EPHA6: variants seen among roughly 807,000 people sequenced by gnomAD.
EPHA6 encodes the protein EPH receptor A6.
In EPHA6, 50 loss-of-function variants were observed where a neutral mutation model predicts 112.0. The ratio of observed to expected loss-of-function variants is 0.45; its 90% CI spans 0.36 to 0.56. The LOEUF (loss-of-function observed/expected upper bound fraction) is 0.56, where lower values mean the gene tolerates loss of function less well. Among genes scored for constraint, EPHA6 ranks in the 20% least tolerant of loss-of-function variants. The pLI, the probability that EPHA6 is intolerant of heterozygous loss-of-function variation, is 0.00. For synonymous variants in EPHA6, 529 were observed against 490.7 expected (o/e 1.08, Z -1.03); for missense variants, 1,280 against 1,417.4 (o/e 0.90, Z 1.56).
chr3:97,122,512 A>C (rs1348701008), intron 3 of EPHA6, among the ~76,000 whole-genome samples: 1 of 152,212 alleles, frequency 6.6e-6, no homozygotes, highest in South Asian at 2.1e-4. Context: ...TATATAAATC[A>C]AAATGTATTT....
rs1037994217 is a variant in EPHA6, at chr3:97,749,558, G to T, written c.*857G>T. 1.3e-5 allele frequency among the ~76,000 whole-genome samples: 2 copies of T among 152,048 alleles called. No homozygotes were observed. Among genetic ancestry groups the T allele is most frequent in the Non-Finnish European group, 2.9e-5 (2 of 68,010 alleles). On this transcript the variant is annotated 3_prime_UTR_variant, in exon 18 of 18. Transcript: ENST00000389672. ...ATGGCTTTCATAGAGAAAAGCTTGG[G>T]ATAAATCCATGACTATTTCCTTTGT...
In EPHA6 at chr3:97,232,010, G is replaced by A. The variant is rs74676959; in HGVS notation, c.1270+5591G>A. On this transcript the variant is annotated intron_variant, in intron 4 of 17. Transcript: ENST00000389672. ...TGAAAGGGGATCAGAGAGACAGGTT[G>A]ACAGGAAAGGTCAGAGAGAGATTTT... Among the ~76,000 whole-genome samples the A allele has an allele frequency of 5.4e-3, 829 of 152,286 alleles. 5 individuals carry two copies. Among genetic ancestry groups the A allele is most frequent in the African/African-American group, 0.019 (769 of 41,564 alleles).
chr3:97,648,942 T>A (rs1004493059), intron 14 of EPHA6, among the ~76,000 whole-genome samples: 1 of 152,096 alleles, frequency 6.6e-6, no homozygotes, highest in African/African-American at 2.4e-5. Flanking sequence ...AACTCTACCC[T>A]AGTTCAACTG....
intron 3 of EPHA6, among the ~76,000 whole-genome samples, chr3:97,184,502 T>C (rs1026980198): frequency 6.6e-6 from 1 of 152,060 alleles, no homozygotes; most frequent in African/African-American, 2.4e-5. Flanking sequence ...CAATCCAACT[T>C]ACAAGGGACA....
At chr3:97,000,194 C>G (rs945033199) in intron 3 of EPHA6, among the ~76,000 whole-genome samples, 7 of 151,216 alleles carry the variant, frequency 4.6e-5, no homozygotes, top group African/African-American at 1.7e-4. Context: ...CCCCTGATTG[C>G]TAAGTTAATG....
chr3:97,203,049 G>A (rs1201253518), intron 3 of EPHA6, among the ~76,000 whole-genome samples: 1 of 152,004 alleles, frequency 6.6e-6, no homozygotes, highest in African/African-American at 2.4e-5. Flanking sequence ...TTACAGAACT[G>A]CCCAACTGCC....
intron 14 of EPHA6, among the ~76,000 whole-genome samples, chr3:97,697,845 A>C (rs542969134): frequency 2.2e-4 from 33 of 152,058 alleles, no homozygotes; most frequent in Non-Finnish European, 3.7e-4. Context: ...AAAACTTCCC[A>C]AGTTGACTCC....
At chr3:96,872,780 A>G (rs1318700419) in intron 2 of EPHA6, among the ~76,000 whole-genome samples, 1 of 151,460 alleles carries the variant, frequency 6.6e-6, no homozygotes, top group African/African-American at 2.4e-5. Context: ...CTTTTTTTTT[A>G]AATTTGATGT....
chr3:96,819,252 A>G lies in EPHA6; in HGVS notation c.385+4244A>G, dbSNP rs575932531. ...ATTGGTACAGGGGAAATTAATGATT[A>G]AATTACATCCTTTTACTTTTTTGTT... On this transcript the variant is annotated intron_variant, in intron 1 of 17. Transcript: ENST00000389672. 5.3e-5 allele frequency among the ~76,000 whole-genome samples: 8 copies of G among 152,240 alleles called. No individual in the cohort carries two copies. In the East Asian group the frequency reaches 1.5e-3, roughly 29 times the overall value.
chr3:97,558,031 C>A (rs2093137508), intron 11 of EPHA6, among the ~76,000 whole-genome samples: 1 of 151,856 alleles, frequency 6.6e-6, no homozygotes, highest in Non-Finnish European at 1.5e-5. Flanking sequence ...TGGAGGGTTC[C>A]CTAAGCACAG....
At chr3:97,640,534 G>A (rs1336099653) in intron 14 of EPHA6, among the ~76,000 whole-genome samples, 5 of 152,072 alleles carry the variant, frequency 3.3e-5, no homozygotes, top group Admixed American at 6.5e-5. Context: ...ACTTTGGGAA[G>A]CCGAGGGGAG....
intron 14 of EPHA6, among the ~76,000 whole-genome samples, chr3:97,706,275 A>C (rs2033671422): frequency 6.6e-6 from 1 of 152,190 alleles, no homozygotes; most frequent in Admixed American, 6.5e-5. Context: ...ACACTCATTT[A>C]CACCACTTTG....
At chr3:97,207,155 C>G (rs1206783180) in intron 3 of EPHA6, among the ~76,000 whole-genome samples, 2 of 152,004 alleles carry the variant, frequency 1.3e-5, no homozygotes, top group Admixed American at 1.3e-4. Flanking sequence ...TTCCAGGTGT[C>G]TTTTGCAAGT....
chr3:96,868,074 T>G (rs1186301388), intron 2 of EPHA6, among the ~76,000 whole-genome samples: 1 of 151,878 alleles, frequency 6.6e-6, no homozygotes, highest in Admixed American at 6.6e-5. Flanking sequence ...GAATAAACAT[T>G]CGTATTGTTG....
At chr3:97,188,247 C>G (rs1044402943) in intron 3 of EPHA6, among the ~76,000 whole-genome samples, 2 of 152,034 alleles carry the variant, frequency 1.3e-5, no homozygotes, top group African/African-American at 4.8e-5. Context: ...ATGGCATTTA[C>G]TTATGATGGG....
At chr3:97,078,467 C>T (rs1266545067) in intron 3 of EPHA6, among the ~76,000 whole-genome samples, 1 of 152,058 alleles carries the variant, frequency 6.6e-6, no homozygotes, top group Admixed American at 6.6e-5. Flanking sequence ...GAAGTCCTTG[C>T]CCATGCCTAT....
chr3:97,558,095 C>A (rs1170874226), intron 11 of EPHA6, among the ~76,000 whole-genome samples: 1 of 151,918 alleles, frequency 6.6e-6, no homozygotes, highest in Non-Finnish European at 1.5e-5. Flanking sequence ...ATTAATAAAT[C>A]TAACATATTA....
intron 6 of EPHA6, among the ~76,000 whole-genome samples, chr3:97,418,685 A>G (rs181382747): frequency 2.8e-4 from 42 of 152,316 alleles, no homozygotes; most frequent in Admixed American, 5.9e-4. Context: ...AAATGGGCAT[A>G]AATAAGAAGG....
chr3:97,359,571 T>C (rs2084261188), intron 5 of EPHA6, among the ~76,000 whole-genome samples: 1 of 151,954 alleles, frequency 6.6e-6, no homozygotes, highest in African/African-American at 2.4e-5. Flanking sequence ...TCAGGGACAG[T>C]TTTTGTTGTT....
Sources: gnomAD v4.1 joint callset for allele counts (sites outside exome capture counted in the v4.1 genomes callset) on GRCh38, gnomAD v4.1.1 for gene constraint, MANE v1.5 for transcripts, NCBI Gene and HGNC (gene_info 2026-07-23, HGNC 2026-07-21) for gene names.